Variants in RAMP1 observed in about 807,000 individuals in gnomAD.
RAMP1 encodes the protein receptor activity-modifying protein 1.
RAMP1 carries 7 observed loss-of-function variants against 8.2 expected under a neutral mutation model. The observed-to-expected ratio is 0.85, with a 90% confidence interval of 0.49 to 1.60. The LOEUF is 1.60. Among genes scored for constraint, RAMP1 ranks in the 40% most tolerant of loss-of-function variants. RAMP1 has a pLI of 0.00. For missense variants in RAMP1, 192 were observed against 202.4 expected, an observed-to-expected ratio of 0.95 and a Z score of 0.31; for synonymous variants, 92 against 84.7, an observed-to-expected ratio of 1.09 and a Z score of -0.47.
At chr2:237,867,303 T>A (rs2062197266) in intron 1 of RAMP1, among the ~76,000 whole-genome samples, 1 of 151,960 alleles carries the variant, frequency 6.6e-6, no homozygotes, top group African/African-American at 2.4e-5. Context: ...GTCTTCATGT[T>A]GAGGAGGCCA....
chr2:237,911,566 C>T lies in RAMP1; in HGVS notation c.230C>T (p.Ala77Val), dbSNP rs748132271. 34 of 1,614,018 alleles carry T rather than the reference C, an allele frequency of 2.1e-5. No homozygotes were observed. Among genetic ancestry groups the T allele is most frequent in the African/African-American group, 1.1e-4 (8 of 74,938 alleles). Residue 77 changes from alanine to valine, a missense_variant, in exon 3 of 3, where the codon GCG becomes GTG. Ala to Val is a moderately conservative substitution (Grantham distance 64). Coordinates refer to ENST00000254661, the MANE Select transcript of RAMP1 (RefSeq NM_005855.4). Reference protein sequence around the residue: ...RELADCTWHMAEKLGCFWPNA... With the variant: ...RELADCTWHMVEKLGCFWPNA... Reference sequence around the variant, plus strand: ...CTGGCCGACTGCACCTGGCACATGGCGGAGAAGCTGGGCTGCTTCTGGCCC... The same window carrying T: ...CTGGCCGACTGCACCTGGCACATGGTGGAGAAGCTGGGCTGCTTCTGGCCC...
chr2:237,875,223 T>TG (rs2062289284), intron 1 of RAMP1, among the ~76,000 whole-genome samples: 1 of 151,958 alleles, frequency 6.6e-6, no homozygotes, highest in African/African-American at 2.4e-5. Flanking sequence ...CTGCCCTGAC[T>TG]GGGGGTGAAA....
chr2:237,860,722 G>A (rs2062125147), intron 1 of RAMP1, among the ~76,000 whole-genome samples: 1 of 152,198 alleles, frequency 6.6e-6, no homozygotes, highest in Non-Finnish European at 1.5e-5. Context: ...GTTGGTCAGA[G>A]GCACCTGCCG....
rs548240498 is a variant in RAMP1, at chr2:237,879,490, T to TATC, written c.191+2130_191+2131insCAT. 1.5e-4 allele frequency among the ~76,000 whole-genome samples: 22 copies of TATC among 150,826 alleles called. No individual in the cohort carries two copies. The South Asian group carries it at 4.3e-3, about 29-fold the overall frequency. On this transcript the variant is annotated intron_variant, in intron 2 of 2. Coordinates refer to ENST00000254661, the MANE Select transcript of RAMP1 (RefSeq NM_005855.4). ...TTGCTGGGAATTTTCGTTTTTTTAT[T>TATC]ATTATTATTATTATGATACTTTAAG...
chr2:237,866,934 GGC>G (rs1361788982), intron 1 of RAMP1, among the ~76,000 whole-genome samples: 6 of 152,018 alleles, frequency 3.9e-5, no homozygotes, highest in African/African-American at 1.5e-4. Context: ...TCACTATCTT[GGC>G]CAGGCTGGTC....
chr2:237,904,633 G>A (rs972282428), intron 2 of RAMP1, among the ~76,000 whole-genome samples: 9 of 152,122 alleles, frequency 5.9e-5, no homozygotes, highest in Non-Finnish European at 1.2e-4. Flanking sequence ...TTTAAAAAGC[G>A]AATATAAAGC....
chr2:237,911,713 C>T lies in RAMP1; in HGVS notation c.377C>T (p.Pro126Leu), dbSNP rs756040668. 3 of 1,613,868 alleles carry T rather than the reference C, an allele frequency of 1.9e-6. No homozygotes were observed. The South Asian group carries it at 3.3e-5, about 18-fold the overall frequency. Residue 126 changes from proline to leucine, a missense_variant, in exon 3 of 3, where the codon CCC becomes CTC. Transcript: ENST00000254661. Reference protein sequence around the residue: ...GSILYPFIVVPITVTLLVTAL... With the variant: ...GSILYPFIVVLITVTLLVTAL... ...ATCCTCTACCCCTTCATCGTGGTCC[C>T]CATCACGGTGACCCTGCTGGTGACG...
At chr2:237,869,205 C>G (rs72976047) in intron 1 of RAMP1, among the ~76,000 whole-genome samples, 17,881 of 152,204 alleles carry the variant, frequency 0.12, 1,100 homozygotes, top group Middle Eastern at 0.22. Flanking sequence ...CATATGTGAC[C>G]CTGCCAGTCA....
Position 237,865,276 on chromosome 2 carries a change from GGGAGGGGAGAGCAGGGGAGAGGAGA to G in RAMP1, c.52+5559_52+5583del, listed in dbSNP as rs1182417592. Among the ~76,000 whole-genome samples, 227 of 142,912 alleles carry G rather than the reference GGGAGGGGAGAGCAGGGGAGAGGAGA, an allele frequency of 1.6e-3. 1 individual carries two copies. The highest frequency in any genetic ancestry group is 3.6e-3 in the Middle Eastern group (1 of 274). 93.8% of individuals were successfully genotyped at this position (142,912 alleles called of 152,430 possible). On this transcript the variant is annotated intron_variant, in intron 1 of 2. Coordinates refer to ENST00000254661, the MANE Select transcript of RAMP1 (RefSeq NM_005855.4). The surrounding 1 kb of genome is among the most constrained non-coding windows in gnomAD (Gnocchi z 4.2). ...GGCAGGGGAGAAGAGAGGAGAGGAG[GGGAGGGGAGAGCAGGGGAGAGGAGA>G]GGAGGGGAGGGCAGGGGAGAAGAGA...
chr2:237,869,619 T>C (rs1288278552), intron 1 of RAMP1, among the ~76,000 whole-genome samples: 1 of 152,342 alleles, frequency 6.6e-6, no homozygotes, highest in Middle Eastern at 3.4e-3. Context: ...GGCCAAATAA[T>C]ATTCCACTGT....
At chr2:237,882,151 C>T (rs916503954) in intron 2 of RAMP1, among the ~76,000 whole-genome samples, 1 of 152,332 alleles carries the variant, frequency 6.6e-6, no homozygotes, top group Admixed American at 6.5e-5. Context: ...TCCATCTCTG[C>T]TCCCCGTGAC....
intron 1 of RAMP1, among the ~76,000 whole-genome samples, chr2:237,863,482 G>A (rs1464927809): frequency 6.6e-6 from 1 of 152,194 alleles, no homozygotes; most frequent in South Asian, 2.1e-4. Context: ...TTTCTCCTTA[G>A]TGAGGAGGAT....
At chr2:237,908,754 T>C (rs991342105) in intron 2 of RAMP1, among the ~76,000 whole-genome samples, 2 of 152,184 alleles carry the variant, frequency 1.3e-5, no homozygotes, top group Middle Eastern at 3.2e-3. Flanking sequence ...CTGTTTTCTA[T>C]GGTGCAGGAT....
At chr2:237,900,763 A>T (rs10189366) in intron 2 of RAMP1, among the ~76,000 whole-genome samples, 5,382 of 152,012 alleles carry the variant, frequency 0.035, 302 homozygotes, top group African/African-American at 0.12. Flanking sequence ...CCATTTTTTT[A>T]AATTTATCCT....
intron 2 of RAMP1, among the ~76,000 whole-genome samples, chr2:237,887,177 G>T (rs75230203): frequency 0.016 from 2,436 of 152,278 alleles, 37 homozygotes; most frequent in Non-Finnish European, 0.025. Context: ...GGAGGGCAGT[G>T]GGTAGAGGAC....
At chr2:237,887,234 G>C (rs1333583637) in intron 2 of RAMP1, among the ~76,000 whole-genome samples, 1 of 152,174 alleles carries the variant, frequency 6.6e-6, no homozygotes, top group African/African-American at 2.4e-5. Flanking sequence ...CAGCCCCCAG[G>C]CTGGGCCATG....
rs775063996 is a variant in RAMP1, at chr2:237,911,803, C to T, written c.*20C>T. 14 of 1,575,652 alleles carry T rather than the reference C, an allele frequency of 8.9e-6. No homozygotes were observed. The Admixed American group carries it at 1.3e-4, about 14-fold the overall frequency. ...GTGTAGGCGGGGCCCAGGCTGCCCG[C>T]GGGTGCACCCAGGCTGCAGGGTGAG... On this transcript the variant is annotated 3_prime_UTR_variant, in exon 3 of 3. Transcript: ENST00000254661.
rs545148141 is a variant in RAMP1 at position 237,873,054 on chromosome 2, G to A, written c.53-4170G>A. The stretch of plus-strand genomic sequence containing the variant: ...AAATAAAATAAACAGGCTAATGGGT[G>A]TAAGGGGCTTAAGCCTGGACTTGGC... On this transcript the variant is annotated intron_variant, in intron 1 of 2. Transcript: ENST00000254661. Among the ~76,000 whole-genome samples, 6 of 152,326 alleles carry A rather than the reference G, an allele frequency of 3.9e-5. No homozygotes were observed. In the South Asian group the frequency reaches 1.0e-3, roughly 26 times the overall value.
intron 2 of RAMP1, among the ~76,000 whole-genome samples, chr2:237,885,990 G>A (rs2062427281): frequency 6.6e-6 from 1 of 152,200 alleles, no homozygotes; most frequent in South Asian, 2.1e-4. Flanking sequence ...GGCTTACAGA[G>A]GAGAAGGGGG....
Sources: gnomAD v4.1 joint callset for allele counts (sites outside exome capture counted in the v4.1 genomes callset) on GRCh38, gnomAD v4.1.1 for gene constraint, Gnocchi (gnomAD v3.1) non-coding constraint, MANE v1.5 for transcripts, NCBI Gene and HGNC (gene_info 2026-07-23, HGNC 2026-07-21) for gene names.